Variants in PGAP1 observed in about 807,000 individuals in gnomAD.
The protein encoded by PGAP1 is post-GPI attachment to proteins inositol deacylase 1.
Under a neutral mutation model 127.0 loss-of-function variants are expected in PGAP1, and 76 were observed. The observed-to-expected ratio is 0.60, with a 90% CI of 0.50 to 0.72. The LOEUF (loss-of-function observed/expected upper bound fraction) is 0.72, where lower values mean the gene tolerates loss of function less well. PGAP1 is among the 30% of genes least tolerant of loss of function. The pLI is 0.00. For synonymous variants in PGAP1, 362 were observed against 366.5 expected (o/e 0.99, Z 0.14); for missense variants, 982 against 1,071.3 (o/e 0.92, Z 1.16).
Position 196,844,527 on chromosome 2 carries a change from A to G in PGAP1, c.2334T>C (p.Pro778=). Reference sequence around the variant, plus strand: ...GAGTTTTGAAAATAAAACTTACCACAGGCTGGCTATTCTTAAAAGTTGTTA... The same window carrying G: ...GAGTTTTGAAAATAAAACTTACCACGGGCTGGCTATTCTTAAAAGTTGTTA... ...ASLTTFKNSQ[P]VNPKHSRRSE... Residue 778 remains proline, a synonymous_variant, in exon 24 of 27, where the codon CCT becomes CCC. Coordinates refer to ENST00000354764, the MANE Select transcript of PGAP1 (RefSeq NM_024989.4). 1 of 1,594,012 alleles carries G rather than the reference A, an allele frequency of 6.3e-7. No individual in the cohort carries two copies. Among genetic ancestry groups the G allele is most frequent in the Non-Finnish European group, 8.5e-7 (1 of 1,171,552 alleles).
rs1469627559 is a variant in PGAP1, at chr2:196,834,127, T to C, written c.*7107A>G. Reference sequence around the variant, plus strand: ...GATTACTCATTAATAAGACAAAAAATTACATTTGAAGATTAGTTTTTCCAA... The same window carrying C: ...GATTACTCATTAATAAGACAAAAAACTACATTTGAAGATTAGTTTTTCCAA... On this transcript the variant is annotated 3_prime_UTR_variant, in exon 27 of 27. Transcript: ENST00000354764. 1.3e-5 allele frequency: 2 copies of C among 151,890 alleles called. No individual in the cohort carries two copies. Among genetic ancestry groups the C allele is most frequent in the Admixed American group, 1.3e-4 (2 of 15,264 alleles). 9.4% of individuals were successfully genotyped at this position (151,890 alleles called of 1,614,324 possible).
At chr2:196,916,131 G>A (rs1217431424) in intron 3 of PGAP1, among the ~76,000 whole-genome samples, 1 of 152,132 alleles carries the variant, frequency 6.6e-6, no homozygotes, top group Non-Finnish European at 1.5e-5. Flanking sequence ...ATAGCTAGAG[G>A]TAGAAATCTA....
At position 196,837,054 on chromosome 2, in the gene PGAP1, A is replaced by G. The variant is rs1229381549; in HGVS notation, c.*4180T>C. The G allele has an allele frequency of 6.6e-6, 1 of 152,230 alleles. No individual in the cohort carries two copies. Among genetic ancestry groups the G allele is most frequent in the African/African-American group, 2.4e-5 (1 of 41,462 alleles). 9.4% of individuals were successfully genotyped at this position (152,230 alleles called of 1,614,324 possible). A position where few individuals can be genotyped will look rare whatever the true frequency, so the allele number is the denominator to read the frequency against. ...TACTAAACTTCAAATGCAGCACTGT[A>G]AAGTTTCACACTGAACCTAATAATA... On this transcript the variant is annotated 3_prime_UTR_variant, in exon 27 of 27. Transcript: ENST00000354764.
At chr2:196,874,770 T>C (rs76339288) in intron 14 of PGAP1, among the ~76,000 whole-genome samples, 7,450 of 152,242 alleles carry the variant, frequency 0.049, 261 homozygotes, top group Middle Eastern at 0.12. Flanking sequence ...TTCCGGCATT[T>C]TGGGAGGCCA....
chr2:196,868,478 A>C (rs747145592), intron 19 of PGAP1, among the ~76,000 whole-genome samples: 23 of 152,348 alleles, frequency 1.5e-4, no homozygotes, highest in Non-Finnish European at 2.6e-4. Context: ...AGCCATACTT[A>C]GTATTTAGTG....
At chr2:196,885,930 A>AT in intron 10 of PGAP1, 50 bp from the exon 11 acceptor site, 1 of 1,257,904 alleles carries the variant, frequency 7.9e-7, no homozygotes, top group Non-Finnish European at 1.0e-6. Flanking sequence ...GTAGAAAATA[A>AT]TTATACAAAA....
chr2:196,867,755 G>T (rs1178304872), intron 19 of PGAP1, among the ~76,000 whole-genome samples: 3 of 152,128 alleles, frequency 2.0e-5, no homozygotes, highest in Admixed American at 2.0e-4. Flanking sequence ...GGAAACTATG[G>T]AAGTACAAGC....
chr2:196,912,580 TAAAAAAAA>T (rs531959600), intron 4 of PGAP1, among the ~76,000 whole-genome samples: 143 of 82,484 alleles, frequency 1.7e-3, no homozygotes, highest in African/African-American at 5.8e-3. Flanking sequence ...ACCCTGTCTT[TAAAAAAAA>T]AAAAAAAAAA....
rs1229849731 is a variant in PGAP1, at chr2:196,839,007, G to GCA, written c.*2225_*2226dup. 6.5e-6 allele frequency: 1 copy of GCA among 152,822 alleles called. No individual in the cohort carries two copies. Among genetic ancestry groups the GCA allele is most frequent in the Non-Finnish European group, 1.5e-5 (1 of 68,436 alleles). 9.5% of individuals were successfully genotyped at this position (152,822 alleles called of 1,614,324 possible). ...TGCAGTGAGCTGAAATCGCGCCACT[G>GCA]CACTCCAGCCTGGTGACAGCGTGAG... On this transcript the variant is annotated 3_prime_UTR_variant, in exon 27 of 27. Transcript: ENST00000354764.
chr2:196,857,477 G>C lies in PGAP1; in HGVS notation c.1861+7510C>G, dbSNP rs1202374895. On this transcript the variant is annotated intron_variant, in intron 20 of 26. Transcript: ENST00000354764. ...CACCAATCATTACAATGTGGTATTA[G>C]ACCAACAACCTGGGACAGGTCTATT... Among the ~76,000 whole-genome samples the C allele has an allele frequency of 3.3e-5, 5 of 152,186 alleles. No homozygotes were observed. In the East Asian group the frequency reaches 9.6e-4, roughly 29 times the overall value.
At chr2:196,847,290 C>G (rs1217083167) in intron 21 of PGAP1, 90 bp from the exon 22 acceptor site, 4 of 930,116 alleles carry the variant, frequency 4.3e-6, no homozygotes, top group Non-Finnish European at 6.5e-6. Flanking sequence ...TCAAGAGAGT[C>G]TCTAAAGTTC....
At chr2:196,844,391 G>A (rs1192005934) in intron 24 of PGAP1, 133 bp downstream of exon 24, 1 of 582,164 alleles carries the variant, frequency 1.7e-6, no homozygotes, top group South Asian at 3.2e-5. Flanking sequence ...TATTCATTAG[G>A]TTCACTTTAC....
intron 19 of PGAP1, among the ~76,000 whole-genome samples, chr2:196,869,390 C>T (rs925253442): frequency 6.6e-6 from 1 of 152,132 alleles, no homozygotes; most frequent in Non-Finnish European, 1.5e-5. Flanking sequence ...GGCTGGAGTG[C>T]AGTGGCGCGA....
intron 2 of PGAP1, 43 bp from the exon 3 acceptor site, chr2:196,916,636 A>G (rs1703019539): frequency 2.0e-6 from 3 of 1,507,812 alleles, no homozygotes; most frequent in Non-Finnish European, 1.8e-6. Context: ...CAATATTTAC[A>G]GGTTTCATCC....
Position 196,848,037 on chromosome 2 carries a change from C to T in PGAP1, c.1862G>A (p.Gly621Asp), listed in dbSNP as rs1576090493. The T allele has an allele frequency of 6.3e-7, 1 of 1,588,910 alleles. No individual in the cohort carries two copies. The highest frequency in any genetic ancestry group is 8.5e-7 in the Non-Finnish European group (1 of 1,170,376). ...RGQLYSLFST[G>D]CCLEYATMLD... ...CATGGTAGCATATTCTAAGCAACAA[C>T]CTGGTGATTTAAAAAAAGTTACATG... The change falls in exon 21 of 27, where the codon GGT becomes GAT. Residue 621 changes from glycine to aspartate, a missense_variant and splice_region_variant. By Grantham distance (94) the Gly-to-Asp change is moderately conservative. Coordinates refer to ENST00000354764, the MANE Select transcript of PGAP1 (RefSeq NM_024989.4).
rs565268148 is a variant in PGAP1, at chr2:196,862,280, G to C, written c.1861+2707C>G. Among the ~76,000 whole-genome samples, 16 of 152,180 alleles carry C rather than the reference G, an allele frequency of 1.1e-4. No homozygotes were observed. In the South Asian group the frequency reaches 3.3e-3, roughly 32 times the overall value. On this transcript the variant is annotated intron_variant, in intron 20 of 26. Coordinates refer to ENST00000354764, the MANE Select transcript of PGAP1 (RefSeq NM_024989.4). ...GACTGTAGGGGTGAAATAGACCCCAGTCTCTCATAGTGCTCCCAGGCTTAT... is the reference window on the plus strand; with the variant it reads ...GACTGTAGGGGTGAAATAGACCCCACTCTCTCATAGTGCTCCCAGGCTTAT...
Position 196,920,852 on chromosome 2 carries a change from A to G in PGAP1, c.148-702T>C, listed in dbSNP as rs983671535. ...ACTACCCTGCACTTCATATTATTGT[A>G]TACCAATAATACAGCAGCTCACCTA... On this transcript the variant is annotated intron_variant, in intron 1 of 26. Coordinates refer to ENST00000354764, the MANE Select transcript of PGAP1 (RefSeq NM_024989.4). Among the ~76,000 whole-genome samples, 3 of 152,124 alleles carry G rather than the reference A, an allele frequency of 2.0e-5. No homozygotes were observed. The South Asian group carries it at 6.2e-4, about 32-fold the overall frequency.
In PGAP1 at chr2:196,916,430, G is replaced by A. The variant is rs966134214; in HGVS notation, c.465C>T (p.Leu155=). Residue 155 remains leucine (L), a synonymous_variant, in exon 3 of 27, where the codon CTC becomes CTT. Coordinates refer to ENST00000354764, the MANE Select transcript of PGAP1 (RefSeq NM_024989.4). ...ACTTATCTCTCACCTTATAGAGTTT[G>A]AGAATTGTTTTAATACATTCATGTA... ...KFVHECIKTI[L]KLYKGQEFAP... 6.2e-7 allele frequency: 1 copy of A among 1,608,506 alleles called. No homozygotes were observed. The highest frequency in any genetic ancestry group is 8.5e-7 in the Non-Finnish European group (1 of 1,177,960).
At chr2:196,892,815 A>G (rs1702144499) in intron 8 of PGAP1, among the ~76,000 whole-genome samples, 2 of 152,132 alleles carry the variant, frequency 1.3e-5, no homozygotes, top group Admixed American at 1.3e-4. Context: ...TAATTGAGGA[A>G]CTAAAAGGAG....
Sources: allele counts gnomAD v4.1 joint callset (sites outside exome capture counted in the v4.1 genomes callset), GRCh38; gene constraint gnomAD v4.1.1; transcripts MANE v1.5; gene names NCBI Gene and HGNC (gene_info 2026-07-23, HGNC 2026-07-21).